Variants in KRT86 observed in about 807,000 individuals in gnomAD.
The protein encoded by KRT86 is keratin, type II cuticular Hb6.
Under a neutral mutation model 41.2 loss-of-function variants are expected in KRT86, and 30 were observed. The ratio of observed to expected loss-of-function variants is 0.73; its 90% CI spans 0.54 to 0.99. The LOEUF (loss-of-function observed/expected upper bound fraction) is 0.99. KRT86 is among the 50% of genes least tolerant of loss of function. The pLI is 0.00. For missense variants in KRT86, 561 were observed against 571.4 expected, an observed-to-expected ratio of 0.98 and a Z score of 0.19; for synonymous variants, 238 against 238.1, an observed-to-expected ratio of 1.00 and a Z score of 0.00.
At chr12:52,276,915 G>A (rs761633144) in intron 2 of KRT86, among the ~76,000 whole-genome samples, 1 of 152,140 alleles carries the variant, frequency 6.6e-6, no homozygotes, top group Non-Finnish European at 1.5e-5. Context: ...GCTTGGAAGG[G>A]TATTCATGGA....
intron 8 of KRT86, 44 bp from the exon 9 acceptor site, chr12:52,306,016 G>A (rs777976448): frequency 6.2e-7 from 1 of 1,610,912 alleles, no homozygotes; most frequent in South Asian, 1.1e-5. Context: ...GCATCAGAGA[G>A]ACCCAGGGAC....
At chr12:52,302,876 C>T (rs1938418864) in intron 3 of KRT86, among the ~76,000 whole-genome samples, 1 of 141,202 alleles carries the variant, frequency 7.1e-6, no homozygotes, top group South Asian at 2.5e-4. Context: ...AGGGAGCAGG[C>T]ACTGACACCA....
At chr12:52,297,833 A>G (rs1316382966) in intron 2 of KRT86, among the ~76,000 whole-genome samples, 1 of 152,222 alleles carries the variant, frequency 6.6e-6, no homozygotes, top group Non-Finnish European at 1.5e-5. Flanking sequence ...CCATTTGTCC[A>G]TCTGCAATGA....
At chr12:52,294,201 C>T (rs74662261) in intron 2 of KRT86, among the ~76,000 whole-genome samples, 2,017 of 152,280 alleles carry the variant, frequency 0.013, 49 homozygotes, top group African/African-American at 0.046. Context: ...AGTAAACCAG[C>T]GGTTGGGTGT....
chr12:52,294,525 C>T (rs1938204648), intron 2 of KRT86, among the ~76,000 whole-genome samples: 1 of 152,076 alleles, frequency 6.6e-6, no homozygotes, highest in Non-Finnish European at 1.5e-5. Context: ...GGGAAGATGG[C>T]AGAATCTCCA....
chr12:52,297,840 A>G (rs1412976603), intron 2 of KRT86, among the ~76,000 whole-genome samples: 1 of 152,236 alleles, frequency 6.6e-6, no homozygotes, highest in East Asian at 1.9e-4. Flanking sequence ...TCCATCTGCA[A>G]TGAAAGCTTG....
chr12:52,277,072 C>T (rs1402945310), intron 2 of KRT86, among the ~76,000 whole-genome samples: 1 of 152,178 alleles, frequency 6.6e-6, no homozygotes, highest in African/African-American at 2.4e-5. Context: ...AAATACACTT[C>T]ACCAAGGTCT....
At chr12:52,277,133 G>T (rs1384477578) in intron 2 of KRT86, among the ~76,000 whole-genome samples, 2 of 152,084 alleles carry the variant, frequency 1.3e-5, no homozygotes, top group African/African-American at 4.8e-5. Context: ...GTGAGGAATG[G>T]ATATTCTTCT....
rs1937982908 is a variant in KRT86, at chr12:52,287,418, C to A, written c.-5+11472C>A. The A allele has an allele frequency of 1.0e-5, 16 of 1,574,748 alleles. No individual in the cohort carries two copies. The East Asian group carries it at 3.5e-4, about 34-fold the overall frequency. ...ACACTCCCCACCAAGCTGGGAGCAC[C>A]CCAGAACAGAGCCTCTTGCCTTTAT... is the stretch of plus-strand genomic sequence containing the variant. On this transcript the variant is annotated intron_variant, in intron 2 of 10. Transcript: ENST00000423955.
intron 2 of KRT86, among the ~76,000 whole-genome samples, chr12:52,296,421 G>A (rs1938252507): frequency 6.6e-6 from 1 of 152,164 alleles, no homozygotes; most frequent in South Asian, 2.1e-4. Context: ...TGTAGTTCCA[G>A]ATTTATAGTA....
intron 2 of KRT86, among the ~76,000 whole-genome samples, chr12:52,293,892 G>A (rs1369731040): frequency 6.6e-6 from 1 of 152,178 alleles, no homozygotes; most frequent in Non-Finnish European, 1.5e-5. Context: ...GGCAAAGGCA[G>A]GCAGAGTAGA....
Sources: gnomAD v4.1 joint callset for allele counts (sites outside exome capture counted in the v4.1 genomes callset) on GRCh38, gnomAD v4.1.1 for gene constraint, MANE v1.5 for transcripts, NCBI Gene and HGNC (gene_info 2026-07-23, HGNC 2026-07-21) for gene names.